IQCM: variants seen among roughly 807,000 people sequenced by gnomAD.
The protein encoded by IQCM is IQ domain-containing protein M.
Under a neutral mutation model 57.6 loss-of-function variants are expected in IQCM, and 45 were observed. The observed-to-expected ratio is 0.78, with a 90% CI of 0.62 to 1.00. The LOEUF (loss-of-function observed/expected upper bound fraction) is 1.00, where lower values mean the gene tolerates loss of function less well. Among genes scored for constraint, IQCM ranks in the 50% least tolerant of loss-of-function variants. The pLI is 0.00. For missense variants in IQCM, 468 were observed against 511.6 expected (o/e 0.91, Z 0.82); for synonymous variants, 148 against 158.9 (o/e 0.93, Z 0.51).
chr4:149,810,415 C>T (rs1479573137), intron 2 of IQCM, among the ~76,000 whole-genome samples: 1 of 150,716 alleles, frequency 6.6e-6, no homozygotes, highest in Non-Finnish European at 1.5e-5. Flanking sequence ...GATAATAAAC[C>T]TATTAATAGA....
chr4:149,665,458 C>A (rs1243146214), intron 7 of IQCM, among the ~76,000 whole-genome samples: 1 of 152,176 alleles, frequency 6.6e-6, no homozygotes, highest in Non-Finnish European at 1.5e-5. Context: ...ACTCACTCAC[C>A]TTTCTATGGT....
chr4:149,500,188 A>C (rs974164375), intron 12 of IQCM, among the ~76,000 whole-genome samples: 3 of 152,236 alleles, frequency 2.0e-5, no homozygotes, highest in African/African-American at 7.2e-5. Flanking sequence ...AGAAATGATT[A>C]AATGAGAAAA....
intron 12 of IQCM, among the ~76,000 whole-genome samples, chr4:149,473,453 A>G (rs1216800346): frequency 6.6e-6 from 1 of 152,238 alleles, no homozygotes; most frequent in Non-Finnish European, 1.5e-5. Flanking sequence ...TAGAATGGCA[A>G]TCATTAAAAA....
At chr4:149,477,816 T>C (rs970207125) in intron 12 of IQCM, among the ~76,000 whole-genome samples, 1 of 151,960 alleles carries the variant, frequency 6.6e-6, no homozygotes, top group African/African-American at 2.4e-5. Flanking sequence ...TGAGAGGGTA[T>C]ACTGGGGGGA....
At chr4:149,607,922 T>C (rs1754939893) in intron 8 of IQCM, among the ~76,000 whole-genome samples, 1 of 151,824 alleles carries the variant, frequency 6.6e-6, no homozygotes. Context: ...TCCTTACCAA[T>C]GAATAATAAC....
At chr4:149,606,380 C>A (rs1285747421) in intron 8 of IQCM, among the ~76,000 whole-genome samples, 5 of 152,158 alleles carry the variant, frequency 3.3e-5, no homozygotes, top group African/African-American at 1.2e-4. Flanking sequence ...GTGACCACAG[C>A]CTTAGGTCAC....
intron 13 of IQCM, among the ~76,000 whole-genome samples, chr4:149,410,970 C>T (rs1029085525): frequency 9.2e-5 from 14 of 152,006 alleles, no homozygotes; most frequent in African/African-American, 2.9e-4. Flanking sequence ...GTTTTAAATT[C>T]TAGAAAAGAA....
chr4:149,656,713 G>T lies in IQCM; in HGVS notation c.565+25405C>A, dbSNP rs563711672. Among the ~76,000 whole-genome samples the T allele has an allele frequency of 9.7e-4, 147 of 152,262 alleles. 1 individual carries two copies. Among genetic ancestry groups the T allele is most frequent in the Non-Finnish European group, 5.0e-4 (34 of 68,028 alleles). ...CTGATACTGAGCAATCCGTGGTGGGGCAGGCAGGTGGGAAGCCTGGAGAGT... is the reference window on the plus strand; with the variant it reads ...CTGATACTGAGCAATCCGTGGTGGGTCAGGCAGGTGGGAAGCCTGGAGAGT... On this transcript the variant is annotated intron_variant, in intron 7 of 13. Coordinates refer to ENST00000636793, the MANE Select transcript of IQCM (RefSeq NM_001363507.2).
intron 5 of IQCM, among the ~76,000 whole-genome samples, chr4:149,732,144 AATC>A (rs1208152319): frequency 3.9e-5 from 6 of 152,266 alleles, no homozygotes; most frequent in African/African-American, 1.2e-4. Flanking sequence ...ACAGCTTTGA[AATC>A]ATCATGTCTT....
rs1292113890 is a variant in IQCM, at chr4:149,563,741, T to A, written c.899A>T (p.His300Leu). 8.1e-7 allele frequency: 1 copy of A among 1,232,114 alleles called. No homozygotes were observed. Among genetic ancestry groups the A allele is most frequent in the Non-Finnish European group, 1.0e-6 (1 of 987,948 alleles). 76.3% of individuals were successfully genotyped at this position (1,232,114 alleles called of 1,614,324 possible). Residue 300 changes from histidine (H) to leucine (L), a missense_variant, in exon 10 of 14, where the codon CAT becomes CTT. Physicochemically the swap from His to Leu is moderately conservative, Grantham distance 99. Coordinates refer to ENST00000636793, the MANE Select transcript of IQCM (RefSeq NM_001363507.2). ...LIRMVTVMQA[H>L]VRGWLERKRL... ...TTTCCGTTCAAGCCATCCCCTGACA[T>A]GTGCCTGCATGACGGTGACCATTCT...
chr4:149,615,588 T>A (rs1373981286), intron 8 of IQCM, among the ~76,000 whole-genome samples: 1 of 152,192 alleles, frequency 6.6e-6, no homozygotes, highest in Non-Finnish European at 1.5e-5. Context: ...ATTGATTTTT[T>A]TAATTAGAAC....
At position 149,682,190 on chromosome 4, in the gene IQCM, A is replaced by G. The variant is rs1762228354; in HGVS notation, c.493T>C (p.Leu165=). The G allele has an allele frequency of 8.2e-7, 1 of 1,220,548 alleles. No individual in the cohort carries two copies. 75.6% of individuals were successfully genotyped at this position (1,220,548 alleles called of 1,614,324 possible). The part of the protein sequence containing the change: ...FEESRNRMLE[L]LYPFPVHLYL... ...AGATGGACAGGAAAGGGATAGAGTA[A>G]TTCCAACATTCTGTTTCTGAAACAT... The change falls in exon 7 of 14, where the codon TTA becomes CTA. Residue 165 remains leucine, a synonymous_variant. Transcript: ENST00000636793.
Position 149,444,543 on chromosome 4 carries a change from G to A in IQCM, c.1229-10986C>T, listed in dbSNP as rs144005662. Among the ~76,000 whole-genome samples the A allele has an allele frequency of 3.3e-3, 495 of 151,940 alleles. 4 individuals are homozygous for A. Among genetic ancestry groups the A allele is most frequent in the African/African-American group, 0.011 (472 of 41,514 alleles). On this transcript the variant is annotated intron_variant, in intron 12 of 13. Coordinates refer to ENST00000636793, the MANE Select transcript of IQCM (RefSeq NM_001363507.2). ...AGATAGGCTCACATCATTTATAAAC[G>A]TGTATGCAGTCCACTGTGCTGTATT...
rs10034788 is a variant in IQCM at position 149,684,087 on chromosome 4, G to T, written c.477-1881C>A. ...TAAAAATTAGCACTAGTAAATAAGT[G>T]ATTAATAAATGCATTTTGTTGATGG... On this transcript the variant is annotated intron_variant, in intron 6 of 13. Transcript: ENST00000636793. Among the ~76,000 whole-genome samples, 951 of 151,358 alleles carry T rather than the reference G, an allele frequency of 6.3e-3. 13 individuals carry two copies. Among genetic ancestry groups the T allele is most frequent in the African/African-American group, 0.022 (905 of 41,440 alleles).
At chr4:149,511,545 A>G (rs937051664) in intron 12 of IQCM, among the ~76,000 whole-genome samples, 4 of 150,928 alleles carry the variant, frequency 2.7e-5, no homozygotes. Flanking sequence ...ATAAATAAAT[A>G]AATAAATAAA....
chr4:149,612,977 A>G (rs977463634), intron 8 of IQCM, among the ~76,000 whole-genome samples: 4 of 152,166 alleles, frequency 2.6e-5, no homozygotes, highest in African/African-American at 9.6e-5. Flanking sequence ...TTCCAACCCC[A>G]CTATAGAATT....
intron 12 of IQCM, among the ~76,000 whole-genome samples, chr4:149,442,398 T>C (rs910777539): frequency 1.3e-5 from 2 of 151,878 alleles, no homozygotes; most frequent in African/African-American, 2.4e-5. Flanking sequence ...CATTTTACTA[T>C]AAGCAACAAC....
At chr4:149,447,653 A>G (rs959079753) in intron 12 of IQCM, among the ~76,000 whole-genome samples, 1 of 151,590 alleles carries the variant, frequency 6.6e-6, no homozygotes, top group Non-Finnish European at 1.5e-5. Flanking sequence ...TGGAACCAAC[A>G]TTAAAAAGCC....
At chr4:149,475,401 T>C (rs1402590066) in intron 12 of IQCM, among the ~76,000 whole-genome samples, 1 of 152,160 alleles carries the variant, frequency 6.6e-6, no homozygotes, top group Non-Finnish European at 1.5e-5. Context: ...GGAGTTCAGT[T>C]TGAATCCAGA....
Sources: allele counts gnomAD v4.1 joint callset (sites outside exome capture counted in the v4.1 genomes callset), GRCh38; gene constraint gnomAD v4.1.1; transcripts MANE v1.5; gene names NCBI Gene and HGNC (gene_info 2026-07-23, HGNC 2026-07-21).